Variants in HELLS observed in about 807,000 individuals in gnomAD.
HELLS encodes helicase, lymphoid specific, also known as lymphoid-specific helicase.
HELLS carries 32 observed loss-of-function variants against 120.0 expected under a neutral mutation model. That is an observed-to-expected ratio of 0.27 (90% CI 0.20 to 0.36). HELLS has a LOEUF of 0.36. Among genes scored for constraint, HELLS ranks in the 10% least tolerant of loss-of-function variants. HELLS has a pLI of 1.00. For synonymous variants in HELLS, 341 were observed against 323.4 expected, an observed-to-expected ratio of 1.05 and a Z score of -0.58; for missense variants, 650 against 993.4, an observed-to-expected ratio of 0.65 and a Z score of 4.65.
intron 6 of HELLS, among the ~76,000 whole-genome samples, chr10:94,564,455 T>A (rs1843693990): frequency 6.6e-6 from 1 of 152,186 alleles, no homozygotes; most frequent in Non-Finnish European, 1.5e-5. Context: ...TTTATTCTTG[T>A]TTTTTGTTGA....
chr10:94,548,037 A>G (rs1842819786), intron 2 of HELLS, among the ~76,000 whole-genome samples: 2 of 152,178 alleles, frequency 1.3e-5, no homozygotes, highest in South Asian at 4.1e-4. Flanking sequence ...TTTTCATAGT[A>G]CTTTATTACA....
At position 94,558,003 on chromosome 10, in the gene HELLS, C is replaced by T. The variant is rs1589708294; in HGVS notation, c.277-136C>T. Reference sequence around the variant, plus strand: ...CATTAGTCCATAAAGGCTTGAAGTACAAGTTCCTCCCTGGTTTTTAATTAT... The same window carrying T: ...CATTAGTCCATAAAGGCTTGAAGTATAAGTTCCTCCCTGGTTTTTAATTAT... On this transcript the variant is annotated intron_variant, in intron 3 of 21. Coordinates refer to ENST00000348459, the MANE Select transcript of HELLS (RefSeq NM_018063.5). 4 of 1,158,698 alleles carry T rather than the reference C, an allele frequency of 3.5e-6. No individual in the cohort carries two copies. In the East Asian group the frequency reaches 1.2e-4, roughly 35 times the overall value. The allele number at this position is 1,158,698 out of a possible 1,614,324, so 71.8% of individuals were successfully genotyped here.
chr10:94,550,558 G>C (rs909847872), intron 2 of HELLS, among the ~76,000 whole-genome samples: 1 of 152,050 alleles, frequency 6.6e-6, no homozygotes, highest in African/African-American at 2.4e-5. Flanking sequence ...AGGATTACAG[G>C]CGTGAGCCAC....
At chr10:94,590,801 A>G (rs1217895305) in intron 15 of HELLS, 25 bp downstream of exon 15, 2 of 1,322,750 alleles carry the variant, frequency 1.5e-6, no homozygotes, top group Non-Finnish European at 2.1e-6. Context: ...ATTCTAATTT[A>G]CTGTTTTGAT....
chr10:94,575,771 T>TTGTGTG (rs71031588), intron 9 of HELLS, among the ~76,000 whole-genome samples: 104 of 122,824 alleles, frequency 8.5e-4, no homozygotes, highest in Middle Eastern at 4.3e-3. Context: ...GGGGTTGTGT[T>TTGTGTG]TGTGTGTGTG....
chr10:94,600,146 C>T (rs1279479412), intron 21 of HELLS, among the ~76,000 whole-genome samples: 3 of 152,102 alleles, frequency 2.0e-5, no homozygotes, highest in East Asian at 1.9e-4. Flanking sequence ...AAAAAATTAG[C>T]GGGGCATGGA....
At chr10:94,583,399 C>T (rs913382191) in intron 12 of HELLS, among the ~76,000 whole-genome samples, 3 of 152,132 alleles carry the variant, frequency 2.0e-5, no homozygotes, top group Non-Finnish European at 4.4e-5. Flanking sequence ...GCTGTCTAAT[C>T]TATTTTTATT....
chr10:94,572,815 A>C (rs368036287), intron 7 of HELLS, among the ~76,000 whole-genome samples: 1 of 152,192 alleles, frequency 6.6e-6, no homozygotes, highest in African/African-American at 2.4e-5. Context: ...TCCAGCTTAC[A>C]TTATTGTCAG....
intron 4 of HELLS, among the ~76,000 whole-genome samples, chr10:94,559,496 A>C (rs544373385): frequency 1.8e-3 from 271 of 151,426 alleles, no homozygotes; most frequent in Non-Finnish European, 2.9e-3. Context: ...CCCAGGCTGG[A>C]GTGCAGTGGT....
Position 94,553,340 on chromosome 10 carries a change from C to G in HELLS, c.154-786C>G, listed in dbSNP as rs560775295. ...CTCAGCTCACTGCAACCTCCGCTTC[C>G]CGGGTTTAAGCAATTCTCCTGCCTC... On this transcript the variant is annotated intron_variant, in intron 2 of 21. Transcript: ENST00000348459. Among the ~76,000 whole-genome samples the G allele has an allele frequency of 3.1e-3, 472 of 152,090 alleles. 3 individuals carry two copies. Among genetic ancestry groups the G allele is most frequent in the African/African-American group, 0.011 (446 of 41,494 alleles).
chr10:94,575,538 T>C (rs901880008), intron 9 of HELLS, among the ~76,000 whole-genome samples: 1 of 151,924 alleles, frequency 6.6e-6, no homozygotes, highest in African/African-American at 2.4e-5. Context: ...TCTGTCACCA[T>C]GCTGGAGTGT....
chr10:94,575,489 A>ATG (rs1369362745), intron 9 of HELLS, among the ~76,000 whole-genome samples: 1 of 150,770 alleles, frequency 6.6e-6, no homozygotes, highest in Admixed American at 6.6e-5. Flanking sequence ...ATATTTATAT[A>ATG]TATATTATTT....
At chr10:94,595,974 T>C (rs1235897348) in intron 19 of HELLS, among the ~76,000 whole-genome samples, 1 of 152,210 alleles carries the variant, frequency 6.6e-6, no homozygotes, top group African/African-American at 2.4e-5. Context: ...TAATTGGAAC[T>C]TGCATTGGGG....
intron 2 of HELLS, among the ~76,000 whole-genome samples, chr10:94,552,029 G>A (rs1843002597): frequency 6.6e-6 from 1 of 152,116 alleles, no homozygotes; most frequent in African/African-American, 2.4e-5. Context: ...GTGAGCCACC[G>A]CGCCCAGCCT....
rs1324919331 is a variant in HELLS, at chr10:94,594,586, C to G, written c.2089-109C>G. ...ACTCTGGAAGTTTAAATTAAGACAC[C>G]ACTATTTAAAAGTTCCTGGCTAGAT... On this transcript the variant is annotated intron_variant, in intron 18 of 21. Transcript: ENST00000348459. 4.4e-6 allele frequency: 3 copies of G among 685,056 alleles called. No individual in the cohort carries two copies. The Admixed American group carries it at 9.1e-5, about 21-fold the overall frequency. 42.4% of individuals were successfully genotyped at this position (685,056 alleles called of 1,614,324 possible).
chr10:94,609,555 G>T (rs1407850510), intron 9 of HELLS, among the ~76,000 whole-genome samples: 3 of 152,170 alleles, frequency 2.0e-5, no homozygotes, highest in Non-Finnish European at 2.9e-5. Flanking sequence ...CGTGAGACCA[G>T]ATCAGTTACA....
intron 4 of HELLS, 26 bp from the exon 5 acceptor site, chr10:94,562,665 C>T: frequency 6.6e-7 from 1 of 1,517,922 alleles, no homozygotes; most frequent in Non-Finnish European, 9.0e-7. Flanking sequence ...TTAATAAAAT[C>T]AATATTCTGA....
At chr10:94,585,089 C>A (rs571151285) in intron 12 of HELLS, among the ~76,000 whole-genome samples, 1 of 151,846 alleles carries the variant, frequency 6.6e-6, no homozygotes, top group East Asian at 1.9e-4. Context: ...TTTACATAAA[C>A]CTTGCATAGT....
chr10:94,599,763 T>C (rs1845936996), intron 21 of HELLS, among the ~76,000 whole-genome samples: 1 of 152,216 alleles, frequency 6.6e-6, no homozygotes, highest in South Asian at 2.1e-4. Flanking sequence ...AATAATTGTT[T>C]AATAATGAAG....
Sources: allele counts gnomAD v4.1 joint callset (sites outside exome capture counted in the v4.1 genomes callset), GRCh38; gene constraint gnomAD v4.1.1; transcripts MANE v1.5; gene names NCBI Gene and HGNC (gene_info 2026-07-23, HGNC 2026-07-21).